VPS8: variants seen among roughly 807,000 people sequenced by gnomAD.
VPS8 encodes the protein VPS8 subunit of CORVET complex, also known as vacuolar protein sorting-associated protein 8 homolog.
In VPS8, 129 loss-of-function variants were observed where a neutral mutation model predicts 216.4. The observed-to-expected ratio is 0.60, with a 90% CI of 0.52 to 0.69. The LOEUF (loss-of-function observed/expected upper bound fraction) is 0.69, where lower values mean the gene tolerates loss of function less well. Ranked by LOEUF, VPS8 falls within the 30% of genes least tolerant of loss-of-function variation. The pLI, the probability that VPS8 is intolerant of heterozygous loss-of-function variation, is 0.00. For missense variants in VPS8, 1,531 were observed against 1,683.5 expected (o/e 0.91, Z 1.59); for synonymous variants, 571 against 565.4 (o/e 1.01, Z -0.14).
chr3:184,990,205 T>A (rs1163801854), intron 42 of VPS8, among the ~76,000 whole-genome samples: 2 of 152,230 alleles, frequency 1.3e-5, no homozygotes, highest in Non-Finnish European at 2.9e-5. Flanking sequence ...CTGTATTTAA[T>A]CCACGTTAAA....
At position 184,887,671 on chromosome 3, in the gene VPS8, A is replaced by G. The variant is rs374769777; in HGVS notation, c.1781+1515A>G. 4.6e-5 allele frequency among the ~76,000 whole-genome samples: 7 copies of G among 152,050 alleles called. No individual in the cohort carries two copies. In the East Asian group the frequency reaches 1.2e-3, roughly 25 times the overall value. ...TTGGTTTTAACCACTAGCTTGTACCACTTTGTAAGTGATAGAGAACAAATG... is the reference window on the plus strand; with the variant it reads ...TTGGTTTTAACCACTAGCTTGTACCGCTTTGTAAGTGATAGAGAACAAATG... On this transcript the variant is annotated intron_variant, in intron 22 of 47. Transcript: ENST00000625842.
intron 46 of VPS8, among the ~76,000 whole-genome samples, chr3:185,037,492 A>T (rs1217593527): frequency 6.6e-6 from 1 of 152,092 alleles, no homozygotes; most frequent in African/African-American, 2.4e-5. Context: ...AGCTTCCTGA[A>T]TGTGTAGGTT....
chr3:184,882,969 A>G (rs765487316), intron 21 of VPS8, among the ~76,000 whole-genome samples: 1 of 152,268 alleles, frequency 6.6e-6, no homozygotes, highest in South Asian at 2.1e-4. Flanking sequence ...TGTCAGTTCT[A>G]ATCAGGAAGA....
chr3:184,982,574 G>T lies in VPS8; in HGVS notation c.3429G>T (p.Trp1143Cys), dbSNP rs1290993631. The T allele has an allele frequency of 1.9e-6, 3 of 1,612,060 alleles. No homozygotes were observed. In the South Asian group the frequency reaches 3.3e-5, roughly 18 times the overall value. Residue 1143 changes from tryptophan (W) to cysteine (C), a missense_variant, in exon 41 of 48, where the codon TGG (tryptophan) becomes TGT (cysteine). Transcript: ENST00000625842. ...TTTCTCTGACATTATAGGCACTTTGGTTTCCGTTATTGGAGGCAATGATGG... is the reference window on the plus strand; with the variant it reads ...TTTCTCTGACATTATAGGCACTTTGTTTTCCGTTATTGGAGGCAATGATGG... ...NLNQQQREAL[W>C]FPLLEAMMAP...
At chr3:185,036,521 A>G (rs1177658480) in intron 46 of VPS8, among the ~76,000 whole-genome samples, 2 of 152,106 alleles carry the variant, frequency 1.3e-5, no homozygotes, top group African/African-American at 4.8e-5. Context: ...AGGACTCCCT[A>G]TTTAATAAAT....
intron 47 of VPS8, among the ~76,000 whole-genome samples, chr3:185,050,325 T>C (rs1252457369): frequency 6.6e-6 from 1 of 151,954 alleles, no homozygotes; most frequent in Admixed American, 6.6e-5. Flanking sequence ...CCTGGAGTAG[T>C]GCTTGAGTCA....
At chr3:184,820,681 T>C (rs1315530773) in intron 1 of VPS8, among the ~76,000 whole-genome samples, 1 of 152,198 alleles carries the variant, frequency 6.6e-6, no homozygotes, top group African/African-American at 2.4e-5. Context: ...TCACCAGGTC[T>C]CTTTGAGTTG....
intron 24 of VPS8, among the ~76,000 whole-genome samples, 189 bp downstream of exon 24, chr3:184,898,843 C>T (rs1733979732): frequency 6.6e-6 from 1 of 152,040 alleles, no homozygotes; most frequent in Non-Finnish European, 1.5e-5. Flanking sequence ...TCTGCCATTG[C>T]TTGCTTTCTT....
intron 16 of VPS8, among the ~76,000 whole-genome samples, chr3:184,864,801 A>G (rs115397449): frequency 4.6e-5 from 7 of 152,192 alleles, no homozygotes; most frequent in African/African-American, 1.7e-4. Context: ...AAAATTCACA[A>G]TGTCTCCCAT....
At chr3:185,016,364 G>A (rs1312742899) in intron 45 of VPS8, among the ~76,000 whole-genome samples, 6 of 152,106 alleles carry the variant, frequency 3.9e-5, no homozygotes, top group Non-Finnish European at 8.8e-5. Context: ...TCTCGAATGG[G>A]GCAGCACAAA....
At chr3:184,821,783 T>A (rs568869082) in intron 1 of VPS8, among the ~76,000 whole-genome samples, 5 of 152,300 alleles carry the variant, frequency 3.3e-5, no homozygotes, top group African/African-American at 1.2e-4. Context: ...AGTGAATGAT[T>A]TCTTTTCTGC....
intron 36 of VPS8, among the ~76,000 whole-genome samples, chr3:184,946,176 G>T (rs1265552764): frequency 1.3e-5 from 2 of 152,218 alleles, no homozygotes; most frequent in Admixed American, 1.3e-4. Flanking sequence ...TACAGTGGCT[G>T]GCTGCCATTT....
intron 23 of VPS8, among the ~76,000 whole-genome samples, chr3:184,896,222 A>G (rs968941124): frequency 1.3e-5 from 2 of 152,118 alleles, no homozygotes; most frequent in African/African-American, 4.8e-5. Flanking sequence ...TAGTCTTACA[A>G]TAGGTCTGAT....
At chr3:184,917,631 C>G (rs1055453981) in intron 28 of VPS8, among the ~76,000 whole-genome samples, 1 of 152,200 alleles carries the variant, frequency 6.6e-6, no homozygotes, top group African/African-American at 2.4e-5. Flanking sequence ...GTCTCGAACT[C>G]CTGACCTCAG....
chr3:184,927,962 C>T (rs759356610), intron 31 of VPS8, among the ~76,000 whole-genome samples: 148 of 152,206 alleles, frequency 9.7e-4, no homozygotes, highest in Non-Finnish European at 1.5e-3. Context: ...TTTATTCATT[C>T]ATCCACTGAG....
intron 46 of VPS8, among the ~76,000 whole-genome samples, chr3:185,046,989 A>C (rs896306653): frequency 6.6e-5 from 10 of 152,234 alleles, no homozygotes; most frequent in African/African-American, 2.4e-4. Context: ...AGTACTGGGC[A>C]CTGGTGAGCA....
rs187555155 is a variant in VPS8 at position 184,867,519 on chromosome 3, G to A, written c.1471-505G>A. Among the ~76,000 whole-genome samples, 490 of 152,194 alleles carry A rather than the reference G, an allele frequency of 3.2e-3. 2 individuals carry two copies. The highest frequency in any genetic ancestry group is 0.011 in the African/African-American group (469 of 41,528). On this transcript the variant is annotated intron_variant, in intron 17 of 47. Coordinates refer to ENST00000625842, the MANE Select transcript of VPS8 (RefSeq NM_001009921.3). ...TTGTCCATGGAATTAACTCCTTCTT[G>A]GACTGTAGACCTTTAAATAGACTTA...
At chr3:185,004,754 G>C (rs1435714123) in intron 45 of VPS8, among the ~76,000 whole-genome samples, 1 of 151,926 alleles carries the variant, frequency 6.6e-6, no homozygotes, top group African/African-American at 2.4e-5. Context: ...TGTAGATTCT[G>C]GTTGTTAGTC....
chr3:185,036,430 G>A (rs1043027456), intron 46 of VPS8, among the ~76,000 whole-genome samples: 1 of 152,094 alleles, frequency 6.6e-6, no homozygotes, highest in African/African-American at 2.4e-5. Context: ...CAATGGCACA[G>A]AATAGAAAAC....
Sources: allele counts gnomAD v4.1 joint callset (sites outside exome capture counted in the v4.1 genomes callset), GRCh38; gene constraint gnomAD v4.1.1; transcripts MANE v1.5; gene names NCBI Gene and HGNC (gene_info 2026-07-23, HGNC 2026-07-21).